DYNC2H1: variants seen among roughly 807,000 people sequenced by gnomAD.
DYNC2H1 encodes cytoplasmic dynein 2 heavy chain 1.
A neutral mutation model predicts 570.0 loss-of-function variants in DYNC2H1; 410 were observed. That is an observed-to-expected ratio of 0.72 (90% CI 0.66 to 0.78). DYNC2H1 has a LOEUF of 0.78. DYNC2H1 is among the 30% of genes least tolerant of loss of function. DYNC2H1 has a pLI of 0.00. For synonymous variants in DYNC2H1, 1,688 were observed against 1,677.6 expected, an observed-to-expected ratio of 1.01 and a Z score of -0.15; for missense variants, 4,865 against 5,046.4, an observed-to-expected ratio of 0.96 and a Z score of 1.09.
chr11:103,366,879 TCCC>T (rs1940932653), intron 83 of DYNC2H1, among the ~76,000 whole-genome samples: 1 of 152,162 alleles, frequency 6.6e-6, no homozygotes, highest in African/African-American at 2.4e-5. Flanking sequence ...AAATTTGATA[TCCC>T]TTTGATAACT....
chr11:103,338,558 CT>C (rs1424289077), intron 82 of DYNC2H1, among the ~76,000 whole-genome samples: 1 of 152,178 alleles, frequency 6.6e-6, no homozygotes, highest in African/African-American at 2.4e-5. Flanking sequence ...CATATAGCCT[CT>C]TTTCAAGCTC....
chr11:103,182,237 A>T (rs776962643), intron 40 of DYNC2H1, among the ~76,000 whole-genome samples: 1 of 150,440 alleles, frequency 6.6e-6, no homozygotes, highest in Non-Finnish European at 1.5e-5. Context: ...TGACATATGT[A>T]TATATAATAT....
Position 103,189,925 on chromosome 11 carries a change from T to C in DYNC2H1, c.7437+109T>C. The C allele has an allele frequency of 8.5e-7, 1 of 1,180,454 alleles. No homozygotes were observed. Among genetic ancestry groups the C allele is most frequent in the Non-Finnish European group, 1.2e-6 (1 of 853,890 alleles). The allele number at this position is 1,180,454 out of a possible 1,614,324, so 73.1% of individuals were successfully genotyped here. A position where few individuals can be genotyped will look rare whatever the true frequency, so the allele number is the denominator to read the frequency against. On this transcript the variant is annotated intron_variant, in intron 45 of 88. Coordinates refer to ENST00000375735, the MANE Select transcript of DYNC2H1 (RefSeq NM_001377.3). This position sits in a 1 kb window ranked among gnomAD's most constrained non-coding sequence, Gnocchi z 4.3. ...CACCCAGGCTTTACTTTCCTGTTTATTAGACTTTTCTAGTAGAGAGTAACT... is the reference window on the plus strand; with the variant it reads ...CACCCAGGCTTTACTTTCCTGTTTACTAGACTTTTCTAGTAGAGAGTAACT...
chr11:103,223,549 G>A (rs369915555), intron 59 of DYNC2H1, among the ~76,000 whole-genome samples: 4 of 132,198 alleles, frequency 3.0e-5, no homozygotes, highest in Non-Finnish European at 3.2e-5. Flanking sequence ...CACCACGCCC[G>A]GTTAATTTTG....
At chr11:103,416,344 A>G (rs1943282340) in intron 84 of DYNC2H1, among the ~76,000 whole-genome samples, 1 of 152,202 alleles carries the variant, frequency 6.6e-6, no homozygotes, top group South Asian at 2.1e-4. Context: ...TTTAAGTTTC[A>G]TATGGAACCA....
intron 54 of DYNC2H1, among the ~76,000 whole-genome samples, chr11:103,214,159 A>T (rs1863273530): frequency 6.6e-6 from 1 of 152,006 alleles, no homozygotes; most frequent in African/African-American, 2.4e-5. Flanking sequence ...TGGGTTCTTT[A>T]TTCTGTTCCA....
Position 103,177,880 on chromosome 11 carries a change from T to C in DYNC2H1, c.6139+60T>C, listed in dbSNP as rs1387229801. Reference sequence around the variant, plus strand: ...GTAATTCTTAGATAATGATATAATTTGTCTATAATGCTGTCTTTGTCAAGA... The same window carrying C: ...GTAATTCTTAGATAATGATATAATTCGTCTATAATGCTGTCTTTGTCAAGA... On this transcript the variant is annotated intron_variant, in intron 38 of 88. Transcript: ENST00000375735. This position sits in a 1 kb window ranked among gnomAD's most constrained non-coding sequence, Gnocchi z 4.4. 2.0e-5 allele frequency: 31 copies of C among 1,522,830 alleles called. No individual in the cohort carries two copies. In the East Asian group the frequency reaches 7.3e-4, roughly 36 times the overall value. The allele number at this position is 1,522,830 out of a possible 1,614,324, so 94.3% of individuals were successfully genotyped here.
intron 82 of DYNC2H1, among the ~76,000 whole-genome samples, chr11:103,331,995 G>C (rs1255404315): frequency 6.6e-6 from 1 of 151,798 alleles, no homozygotes; most frequent in Non-Finnish European, 1.5e-5. Context: ...GGGAGGCGGA[G>C]CTTGCAGTGA....
intron 82 of DYNC2H1, among the ~76,000 whole-genome samples, chr11:103,347,793 C>A (rs986783394): frequency 2.0e-5 from 3 of 152,076 alleles, no homozygotes; most frequent in Admixed American, 6.6e-5. Context: ...GAGGCAGCAT[C>A]CCCTATTACT....
chr11:103,431,840 C>A (rs1051600770), intron 84 of DYNC2H1, among the ~76,000 whole-genome samples: 1 of 152,070 alleles, frequency 6.6e-6, no homozygotes, highest in African/African-American at 2.4e-5. Context: ...AACTTCGTAG[C>A]CCAATTCATT....
chr11:103,444,551 C>T (rs1944366864), intron 85 of DYNC2H1, among the ~76,000 whole-genome samples: 1 of 151,960 alleles, frequency 6.6e-6, no homozygotes, highest in African/African-American at 2.4e-5. Flanking sequence ...AGATCCTGGC[C>T]AAATATTGAA....
Position 103,299,037 on chromosome 11 carries a change from A to G in DYNC2H1, c.11096-4056A>G, listed in dbSNP as rs1191895513. ...TTCTTACTTCTGTAATTCTGATATA[A>G]TTTTGACTTAAAATGACTATCATGA... On this transcript the variant is annotated intron_variant, in intron 75 of 88. Transcript: ENST00000375735. The surrounding 1 kb of genome is among the most constrained non-coding windows in gnomAD (Gnocchi z 4.5). Among the ~76,000 whole-genome samples, 1 of 152,122 alleles carries G rather than the reference A, an allele frequency of 6.6e-6. No homozygotes were observed. Among genetic ancestry groups the G allele is most frequent in the Non-Finnish European group, 1.5e-5 (1 of 68,000 alleles).
intron 56 of DYNC2H1, 36 bp from the exon 57 acceptor site, chr11:103,220,587 T>C (rs1863547663): frequency 6.5e-7 from 1 of 1,543,530 alleles, no homozygotes; most frequent in African/African-American, 1.4e-5. Flanking sequence ...AAGAAATATA[T>C]AATTTGAAGA....
chr11:103,283,416 T>G (rs1423668930), intron 73 of DYNC2H1, among the ~76,000 whole-genome samples: 1 of 152,188 alleles, frequency 6.6e-6, no homozygotes. Flanking sequence ...TTCTGTGTTC[T>G]TCAACTACTC....
intron 75 of DYNC2H1, among the ~76,000 whole-genome samples, chr11:103,297,128 C>G (rs1489999926): frequency 6.6e-6 from 1 of 151,782 alleles, no homozygotes; most frequent in African/African-American, 2.4e-5. Context: ...TATTTCCAGC[C>G]CTGGAATTCT....
At chr11:103,342,724 TCGACCTCC>T (rs1327044216) in intron 82 of DYNC2H1, among the ~76,000 whole-genome samples, 2 of 151,990 alleles carry the variant, frequency 1.3e-5, no homozygotes, top group Non-Finnish European at 2.9e-5. Context: ...CAGGATGGTC[TCGACCTCC>T]TGACCTCGTG....
At chr11:103,470,321 T>G (rs1033762404) in intron 88 of DYNC2H1, among the ~76,000 whole-genome samples, 1 of 152,168 alleles carries the variant, frequency 6.6e-6, no homozygotes, top group East Asian at 1.9e-4. Context: ...AATAAAAAGC[T>G]AATTTAATTT....
chr11:103,169,028 G>A (rs995337660), intron 32 of DYNC2H1, 68 bp downstream of exon 32: 12 of 1,332,850 alleles, frequency 9.0e-6, no homozygotes, highest in Non-Finnish European at 4.0e-6. Flanking sequence ...ATTTGTTATT[G>A]GTAGAAATAC....
At chr11:103,380,985 C>G (rs1289290682) in intron 83 of DYNC2H1, among the ~76,000 whole-genome samples, 2 of 152,156 alleles carry the variant, frequency 1.3e-5, no homozygotes, top group Non-Finnish European at 2.9e-5. Context: ...TAATATCATG[C>G]TGGAGTGCTT....
Sources: allele counts gnomAD v4.1 joint callset (sites outside exome capture counted in the v4.1 genomes callset), GRCh38; gene constraint gnomAD v4.1.1; non-coding constraint Gnocchi (gnomAD v3.1); transcripts MANE v1.5; gene names NCBI Gene and HGNC (gene_info 2026-07-23, HGNC 2026-07-21).